The following ITIH6 variants were observed in gnomAD, a reference collection of about 807,000 sequenced individuals.
ITIH6 encodes inter-alpha-trypsin inhibitor heavy chain family member 6, also known as inter-alpha-trypsin inhibitor heavy chain H6.
A neutral mutation model predicts 58.2 loss-of-function variants in ITIH6; 60 were observed. That is an observed-to-expected ratio of 1.03 (90% CI 0.84 to 1.28). The LOEUF (loss-of-function observed/expected upper bound fraction) is 1.28. ITIH6 is among the 50% of genes most tolerant of loss of function. The pLI is 0.00. For synonymous variants in ITIH6, 493 were observed against 417.4 expected, an observed-to-expected ratio of 1.18 and a Z score of -2.21; for missense variants, 1,290 against 1,021.1, an observed-to-expected ratio of 1.26 and a Z score of -3.59.
chrX:54,770,991 GGTTT>G (rs1407773124), intron 6 of ITIH6, among the ~76,000 whole-genome samples: 1 of 111,018 alleles, frequency 9.0e-6, no homozygotes, highest in East Asian at 2.8e-4. Context: ...TAGGCTGGTG[GGTTT>G]TTTCCTTTAA....
At chrX:54,756,348 A>G (rs1182324699) in intron 8 of ITIH6, among the ~76,000 whole-genome samples, 1 of 111,410 alleles carries the variant, frequency 9.0e-6, no homozygotes, top group Non-Finnish European at 1.9e-5. Flanking sequence ...TGAGAAACTT[A>G]TTTTACCTCT....
intron 9 of ITIH6, among the ~76,000 whole-genome samples, chrX:54,754,370 A>T (rs1255160737): frequency 8.9e-6 from 1 of 112,108 alleles, no homozygotes; most frequent in Non-Finnish European, 1.9e-5. Context: ...TGTGAATATG[A>T]TGAAATATCC....
chrX:54,757,538 A>G lies in ITIH6; in HGVS notation c.2536T>C (p.Leu846=). ...NMPHLGPGIL[L]SKTPKILLSL... ...AATAAGATTTTAGGGGTCTTGGACA[A>G]GAGGATTCCAGGCCCCAGGTGTGGC... Residue 846 remains leucine, a synonymous_variant, in exon 8 of 13, where the codon TTG becomes CTG. Transcript: ENST00000218436. 8.3e-7 allele frequency: 1 copy of G among 1,210,653 alleles called. No homozygotes were observed. Among genetic ancestry groups the G allele is most frequent in the East Asian group, 3.0e-5 (1 of 33,807 alleles).
intron 12 of ITIH6, 114 bp from the exon 13 acceptor site, chrX:54,750,220 G>T: frequency 1.8e-6 from 1 of 571,316 alleles, no homozygotes; most frequent in Non-Finnish European, 2.8e-6. Flanking sequence ...AGAAGGAGGG[G>T]CAGCAAAAGA....
At chrX:54,764,869 CCCA>C (rs1357095179) in intron 6 of ITIH6, among the ~76,000 whole-genome samples, 2 of 102,354 alleles carry the variant, frequency 2.0e-5, no homozygotes, top group African/African-American at 3.6e-5. Context: ...AGTTTCCAGT[CCCA>C]CCAACAGTGT....
chrX:54,796,468 G>A lies in ITIH6; in HGVS notation c.257+474C>T, dbSNP rs781069209. On this transcript the variant is annotated intron_variant, in intron 2 of 12. Coordinates refer to ENST00000218436, the MANE Select transcript of ITIH6 (RefSeq NM_198510.3). ...TGGGAGGCCGAGGTGGGCAGATCAC[G>A]AGGTCAGAGATTGAGACCATCCTGG... 3.3e-4 allele frequency among the ~76,000 whole-genome samples: 36 copies of A among 110,280 alleles called. No homozygotes were observed. The Admixed American group carries it at 3.3e-3, about 10-fold the overall frequency.
At chrX:54,750,904 A>G (rs1289655360) in intron 12 of ITIH6, 99 bp downstream of exon 12, 1 of 902,642 alleles carries the variant, frequency 1.1e-6, no homozygotes, top group African/African-American at 2.0e-5. Context: ...TCTGTTGCTG[A>G]TTCCTCTTCC....
In ITIH6 at chrX:54,750,016, AG is replaced by A. The variant is rs766618215; in HGVS notation, c.3820del (p.Leu1274Ter). ...RHHGPDVPVI[L>X]GKRLLKDSPR... ...TGAGTCCTTCAGCAGCCTCTTGCCTAGAATCACAGGCACATCTGGGCCATGG... is the reference window on the plus strand; with the variant it reads ...TGAGTCCTTCAGCAGCCTCTTGCCTAAATCACAGGCACATCTGGGCCATGG... On this transcript the variant is annotated frameshift_variant, in exon 13 of 13. Coordinates refer to ENST00000218436, the MANE Select transcript of ITIH6 (RefSeq NM_198510.3). LOFTEE classifies it high-confidence loss of function. 42 of 1,210,956 alleles carry A rather than the reference AG, an allele frequency of 3.5e-5. No homozygotes were observed. The highest frequency in any genetic ancestry group is 4.7e-5 in the Non-Finnish European group (42 of 894,679).
chrX:54,797,082 G>A lies in ITIH6; in HGVS notation c.117C>T (p.Ser39=). ...ACACCACCGTGGAGCGCATAGAATA[G>A]CTTGTCATTAACAACTGAGAGAGAA... ...ASSSTKLLMT[S]YSMRSTVVSR... is the part of the protein sequence containing the mutation. The change falls in exon 2 of 13, where the codon AGC becomes AGT. Residue 39 remains serine, a synonymous_variant. Coordinates refer to ENST00000218436, the MANE Select transcript of ITIH6 (RefSeq NM_198510.3). The A allele has an allele frequency of 8.3e-7, 1 of 1,209,257 alleles. No individual in the cohort carries two copies. The highest frequency in any genetic ancestry group is 1.1e-6 in the Non-Finnish European group (1 of 893,894).
At chrX:54,754,935 G>A in intron 9 of ITIH6, 82 bp downstream of exon 9, 1 of 722,164 alleles carries the variant, frequency 1.4e-6, no homozygotes, top group Non-Finnish European at 2.1e-6. Context: ...CTTCCCTCTG[G>A]TCTCCCACAA....
chrX:54,775,873 ATGG>A (rs1369151478), intron 5 of ITIH6, among the ~76,000 whole-genome samples: 1 of 111,934 alleles, frequency 8.9e-6, no homozygotes, highest in African/African-American at 3.3e-5. Context: ...GTGAAGCAAG[ATGG>A]TGGAATAAAA....
rs993531110 is a variant in ITIH6, at chrX:54,753,906, G to A, written c.3238+24C>T. On this transcript the variant is annotated intron_variant, in intron 10 of 12. Transcript: ENST00000218436. ...CAAGCTGCCCTGTACTCAAACAGGG[G>A]AGCCATGGGGGTGACTGGCTTACCT... The A allele has an allele frequency of 4.2e-6, 5 of 1,200,233 alleles. No homozygotes were observed. The African/African-American group carries it at 8.8e-5, about 21-fold the overall frequency.
chrX:54,773,400 A>C (rs1227113240), intron 6 of ITIH6, among the ~76,000 whole-genome samples: 2 of 111,649 alleles, frequency 1.8e-5, no homozygotes, highest in East Asian at 5.6e-4. Flanking sequence ...CAACTCTGGT[A>C]AAACAAACTC....
Position 54,784,383 on chromosome X carries a change from G to A in ITIH6, c.786+4097C>T, listed in dbSNP as rs1489509712. ...AAAGCTTCTACACTGCAAGGGAAAT[G>A]ATAAACAAAGTGAAGAGACAACCCA... On this transcript the variant is annotated intron_variant, in intron 5 of 12. Transcript: ENST00000218436. Among the ~76,000 whole-genome samples the A allele has an allele frequency of 2.7e-5, 3 of 111,367 alleles. No individual in the cohort carries two copies. The East Asian group carries it at 8.4e-4, about 31-fold the overall frequency.
intron 8 of ITIH6, among the ~76,000 whole-genome samples, chrX:54,755,756 G>T (rs1004948648): frequency 9.0e-6 from 1 of 110,854 alleles, no homozygotes; most frequent in Non-Finnish European, 1.9e-5. Context: ...TCAGAGAATG[G>T]GTGGGAGAGA....
At position 54,768,512 on chromosome X, in the gene ITIH6, T is replaced by A. The variant is rs1298997128; in HGVS notation, c.903+5569A>T. Reference sequence around the variant, plus strand: ...CGATGGTCTTTACATTTTGGCATGATTTTGCAGCGGCTGGTACCGGTTGTT... The same window carrying A: ...CGATGGTCTTTACATTTTGGCATGAATTTGCAGCGGCTGGTACCGGTTGTT... On this transcript the variant is annotated intron_variant, in intron 6 of 12. Coordinates refer to ENST00000218436, the MANE Select transcript of ITIH6 (RefSeq NM_198510.3). 7.7e-3 allele frequency among the ~76,000 whole-genome samples: 751 copies of A among 97,625 alleles called. 7 individuals are homozygous for A. Among genetic ancestry groups the A allele is most frequent in the Middle Eastern group, 0.021 (4 of 191 alleles). 84.8% of individuals were successfully genotyped at this position (97,625 alleles called of 115,157 possible). A position where few individuals can be genotyped will look rare whatever the true frequency, so the allele number is the denominator to read the frequency against.
intron 8 of ITIH6, 113 bp downstream of exon 8, chrX:54,756,852 G>GCAA (rs1381192515): frequency 2.2e-6 from 1 of 464,060 alleles, no homozygotes; most frequent in African/African-American, 2.4e-5. Context: ...AAGCAAGCAA[G>GCAA]GAAGCAGCTG....
At chrX:54,761,265 A>G (rs1407966381) in intron 6 of ITIH6, among the ~76,000 whole-genome samples, 4 of 111,634 alleles carry the variant, frequency 3.6e-5, no homozygotes, top group Non-Finnish European at 5.7e-5. Context: ...CATATCCTTC[A>G]CCCACTTTTT....
At position 54,758,099 on chromosome X, in the gene ITIH6, G is replaced by A; in HGVS notation, c.1975C>T (p.Pro659Ser). 8.3e-7 allele frequency: 1 copy of A among 1,211,690 alleles called. No homozygotes were observed. The highest frequency in any genetic ancestry group is 1.8e-5 in the South Asian group (1 of 56,991). Residue 659 changes from proline (P) to serine (S), a missense_variant, in exon 8 of 13, where the codon CCC (proline) becomes TCC (serine). Pro to Ser is a moderately conservative substitution (Grantham distance 74, BLOSUM62 -1). Transcript: ENST00000218436. ...TTTGGTTTCACAGGCCTTGATTTGG[G>A]GGAGATGACCTTGGGCACCAAGGCT... ...QPALVPKVIS[P>S]KSRPVKPKFY...
Sources: gnomAD v4.1 joint callset for allele counts (sites outside exome capture counted in the v4.1 genomes callset) on GRCh38, gnomAD v4.1.1 for gene constraint, MANE v1.5 for transcripts, NCBI Gene and HGNC (gene_info 2026-07-23, HGNC 2026-07-21) for gene names.